Variants in MAPT observed in about 807,000 individuals in gnomAD.
MAPT encodes the protein microtubule-associated protein tau.
Under a neutral mutation model 67.9 loss-of-function variants are expected in MAPT, and 34 were observed. The observed-to-expected ratio is 0.50, with a 90% CI of 0.38 to 0.67. The LOEUF (loss-of-function observed/expected upper bound fraction) is 0.67, where lower values mean the gene tolerates loss of function less well. MAPT is among the 30% of genes least tolerant of loss of function. MAPT has a pLI of 0.00. For synonymous variants in MAPT, 456 were observed against 464.5 expected, an observed-to-expected ratio of 0.98 and a Z score of 0.23; for missense variants, 881 against 1,115.2, an observed-to-expected ratio of 0.79 and a Z score of 2.99.
chr17:45,974,081 C>T, intron 3 of MAPT: 1 of 455,728 alleles, frequency 2.2e-6, no homozygotes. Context: ...AGTATTTCTT[C>T]TTTTAAAATG....
chr17:45,956,548 TTATATATA>T (rs57223421), intron 1 of MAPT, among the ~76,000 whole-genome samples: 9 of 95,254 alleles, frequency 9.4e-5, no homozygotes, highest in African/African-American at 3.2e-4. Flanking sequence ...GCAGGTTCTT[TTATATATA>T]TATATATATA....
At chr17:45,950,611 T>A (rs1317728268) in intron 1 of MAPT, among the ~76,000 whole-genome samples, 1 of 152,180 alleles carries the variant, frequency 6.6e-6, no homozygotes, top group Non-Finnish European at 1.5e-5. Flanking sequence ...AAAGTCACAA[T>A]AAAAAGGTCC....
At chr17:45,895,079 G>A (rs1027342764) in intron 1 of MAPT, 1 of 155,004 alleles carries the variant, frequency 6.5e-6, no homozygotes, top group Non-Finnish European at 1.4e-5. Context: ...GTGTGTGTGT[G>A]TGTGTGTGTG....
rs56289286 is a variant in MAPT at position 46,025,077 on chromosome 17, C to CCT, written c.*909_*910dup. The stretch of plus-strand genomic sequence containing the variant: ...TAGGGGGCCTGAGTTGAGGGGCTTC[C>CCT]CTCTGCTCCACAGAAACCCTGTTTT... On this transcript the variant is annotated 3_prime_UTR_variant, in exon 13 of 13. Coordinates refer to ENST00000262410, the MANE Select transcript of MAPT (RefSeq NM_001377265.1). The CCT allele has an allele frequency of 0.14, 21,825 of 152,468 alleles. 2,124 individuals are homozygous for CCT. Among genetic ancestry groups the CCT allele is most frequent in the Non-Finnish European group, 0.22 (14,763 of 68,186 alleles). 9.4% of individuals were successfully genotyped at this position (152,468 alleles called of 1,614,324 possible).
At chr17:45,989,741 T>C (rs777317378) in intron 6 of MAPT, 137 bp from the exon 7 acceptor site, 35 of 760,366 alleles carry the variant, frequency 4.6e-5, no homozygotes, top group Non-Finnish European at 7.1e-5. Context: ...TAAGGGTACC[T>C]GATTCAAACA....
At chr17:45,966,326 G>A (rs2071075743) in intron 2 of MAPT, among the ~76,000 whole-genome samples, 1 of 152,206 alleles carries the variant, frequency 6.6e-6, no homozygotes. Context: ...GGTAGCTAAT[G>A]CCTATAATCC....
chr17:45,917,638 T>C (rs1385570510), intron 1 of MAPT, among the ~76,000 whole-genome samples: 2 of 152,168 alleles, frequency 1.3e-5, no homozygotes, highest in Non-Finnish European at 2.9e-5. Context: ...GTGAAGTTAA[T>C]AAGGTTTTTC....
chr17:46,003,948 CTCT>C (rs1382702927), intron 9 of MAPT, among the ~76,000 whole-genome samples: 1 of 152,258 alleles, frequency 6.6e-6, no homozygotes, highest in African/African-American at 2.4e-5. Context: ...GTTATTTGAT[CTCT>C]TCTTTGGCCA....
intron 9 of MAPT, chr17:45,999,792 A>G (rs2074845195): frequency 1.3e-6 from 1 of 783,140 alleles, no homozygotes; most frequent in Admixed American, 3.0e-5. Flanking sequence ...TTGGGGGACG[A>G]AGTGTGGAAA....
rs1253308026 is a variant in MAPT, at chr17:46,010,153, G to C, written c.1999-157G>C. Reference sequence around the variant, plus strand: ...TGACTCAACCTCCCGTCACTCCCCAGACTGCCTCTGCCAAGTCCGAAAGTG... The same window carrying C: ...TGACTCAACCTCCCGTCACTCCCCACACTGCCTCTGCCAAGTCCGAAAGTG... On this transcript the variant is annotated intron_variant, in intron 9 of 12. Transcript: ENST00000262410. The surrounding 1 kb of genome is among the most constrained non-coding windows in gnomAD (Gnocchi z 4.7). 6.6e-6 allele frequency among the ~76,000 whole-genome samples: 1 copy of C among 152,154 alleles called. No individual in the cohort carries two copies. Among genetic ancestry groups the C allele is most frequent in the Non-Finnish European group, 1.5e-5 (1 of 68,026 alleles).
At chr17:45,925,736 A>C (rs1456381203) in intron 1 of MAPT, among the ~76,000 whole-genome samples, 1 of 152,052 alleles carries the variant, frequency 6.6e-6, no homozygotes, top group African/African-American at 2.4e-5. Flanking sequence ...ATTTAGCATA[A>C]TCTTAACTAT....
At chr17:46,020,337 T>C (rs1310545607) in intron 12 of MAPT, among the ~76,000 whole-genome samples, 1 of 152,140 alleles carries the variant, frequency 6.6e-6, no homozygotes, top group East Asian at 1.9e-4. Flanking sequence ...GTGAGCTCTG[T>C]CTAGGCCTGG....
chr17:45,954,317 A>G (rs554257255), intron 1 of MAPT, among the ~76,000 whole-genome samples: 3 of 152,226 alleles, frequency 2.0e-5, no homozygotes, highest in Non-Finnish European at 2.9e-5. Context: ...GCCTTACAAT[A>G]TTTACTATCT....
intron 1 of MAPT, among the ~76,000 whole-genome samples, chr17:45,947,343 C>T (rs1237961174): frequency 2.0e-5 from 3 of 151,602 alleles, no homozygotes; most frequent in Non-Finnish European, 2.9e-5. Context: ...GATCCAGCGT[C>T]ACAAGGGTGT....
intron 11 of MAPT, among the ~76,000 whole-genome samples, chr17:46,016,361 A>C (rs1322888008): frequency 6.6e-6 from 1 of 150,600 alleles, no homozygotes; most frequent in Non-Finnish European, 1.5e-5. Flanking sequence ...AATGCACTCC[A>C]GCTTGGGTGA....
intron 9 of MAPT, among the ~76,000 whole-genome samples, chr17:46,009,257 G>T (rs1389874518): frequency 2.0e-5 from 3 of 152,172 alleles, no homozygotes; most frequent in Non-Finnish European, 4.4e-5. Flanking sequence ...TGTTTCCAGA[G>T]TTCCTGAGAG....
chr17:45,978,656 A>G (rs2072636007), intron 4 of MAPT: 2 of 573,098 alleles, frequency 3.5e-6, no homozygotes, highest in Non-Finnish European at 6.2e-6. Context: ...TAAGGCATTT[A>G]GTGTTCTGAA....
chr17:45,979,002 T>C (rs1411791416), intron 4 of MAPT: 1 of 150,862 alleles, frequency 6.6e-6, no homozygotes, highest in Non-Finnish European at 1.5e-5. Flanking sequence ...AAACTCCGTC[T>C]CAAAAAAAAA....
chr17:45,920,258 C>T (rs2065572632), intron 1 of MAPT, among the ~76,000 whole-genome samples: 1 of 152,220 alleles, frequency 6.6e-6, no homozygotes, highest in Admixed American at 6.5e-5. Flanking sequence ...CTGGCTGGTG[C>T]TCGGCAATGT....
Sources: gnomAD v4.1 joint callset for allele counts (sites outside exome capture counted in the v4.1 genomes callset) on GRCh38, gnomAD v4.1.1 for gene constraint, Gnocchi (gnomAD v3.1) non-coding constraint, MANE v1.5 for transcripts, NCBI Gene and HGNC (gene_info 2026-07-23, HGNC 2026-07-21) for gene names.